SH3BGR: variants seen among roughly 807,000 people sequenced by gnomAD.
SH3BGR encodes the protein SH3 domain-binding glutamic acid-rich protein.
Under a neutral mutation model 24.5 loss-of-function variants are expected in SH3BGR, and 29 were observed. The ratio of observed to expected loss-of-function variants is 1.18; its 90% CI spans 0.88 to 1.61. The LOEUF (loss-of-function observed/expected upper bound fraction) is 1.61, where lower values mean the gene tolerates loss of function less well. Ranked by LOEUF, SH3BGR falls within the 40% of genes most tolerant of loss-of-function variation. The probability of loss-of-function intolerance (pLI) is 0.00; values close to 1 mark genes in which losing one functional copy is unlikely to be tolerated. For synonymous variants in SH3BGR, 55 were observed against 65.7 expected (o/e 0.84, Z 0.79); for missense variants, 162 against 205.8 (o/e 0.79, Z 1.30).
intron 3 of SH3BGR, among the ~76,000 whole-genome samples, chr21:39,479,449 GGTA>G (rs2078095377): frequency 1.3e-5 from 2 of 151,672 alleles, no homozygotes; most frequent in Admixed American, 1.3e-4. Flanking sequence ...TGGTGGTGAT[GGTA>G]GTGGTGGTGA....
intron 4 of SH3BGR, 106 bp from the exon 5 acceptor site, chr21:39,508,892 C>A: frequency 1.3e-6 from 1 of 777,148 alleles, no homozygotes; most frequent in Non-Finnish European, 2.1e-6. Flanking sequence ...ATGTGTTGTT[C>A]ATTTTGATTA....
chr21:39,452,767 A>G (rs909385708), intron 1 of SH3BGR, among the ~76,000 whole-genome samples: 11 of 152,164 alleles, frequency 7.2e-5, no homozygotes, highest in Admixed American at 2.0e-4. Context: ...TGCTTTGTCT[A>G]ATTTTCTTGA....
chr21:39,449,510 T>G (rs1463662914), upstream of SH3BGR, among the ~76,000 whole-genome samples: 1 of 152,244 alleles, frequency 6.6e-6, no homozygotes, highest in Non-Finnish European at 1.5e-5. Flanking sequence ...GCATTTGGAA[T>G]GTTCGCTATT....
Position 39,451,995 on chromosome 21 carries a change from C to G in SH3BGR, c.-102C>G, listed in dbSNP as rs760818841. On this transcript the variant is annotated 5_prime_UTR_variant, in exon 1 of 7. Transcript: ENST00000333634. ...AGTGGACCCCTGGGCTGCTGCCAGCCCCGACCTGGCACTTGCTTGCCTGTG... is the reference window on the plus strand; with the variant it reads ...AGTGGACCCCTGGGCTGCTGCCAGCGCCGACCTGGCACTTGCTTGCCTGTG... The G allele has an allele frequency of 1.2e-6, 2 of 1,614,054 alleles. No homozygotes were observed. The highest frequency in any genetic ancestry group is 2.2e-5 in the East Asian group (1 of 44,888).
At chr21:39,513,004 T>A (rs1199669220) in intron 6 of SH3BGR, among the ~76,000 whole-genome samples, 4 of 152,176 alleles carry the variant, frequency 2.6e-5, no homozygotes, top group African/African-American at 7.2e-5. Context: ...AAGCGTTTTT[T>A]AAAAAATTTA....
chr21:39,460,656 G>A (rs777444741), intron 1 of SH3BGR, among the ~76,000 whole-genome samples: 14 of 152,078 alleles, frequency 9.2e-5, no homozygotes, highest in Non-Finnish European at 1.5e-4. Flanking sequence ...GTTTAGTAGA[G>A]ATGGGGTTTC....
chr21:39,499,683 T>C (rs2078460092), intron 3 of SH3BGR, 140 bp from the exon 4 acceptor site: 1 of 585,592 alleles, frequency 1.7e-6, no homozygotes, highest in Admixed American at 3.1e-5. Flanking sequence ...AGTCGCTAAG[T>C]GACCTAATGA....
intron 2 of SH3BGR, among the ~76,000 whole-genome samples, chr21:39,474,053 G>C (rs1249335803): frequency 6.6e-6 from 1 of 152,016 alleles, no homozygotes; most frequent in Non-Finnish European, 1.5e-5. Flanking sequence ...CTGCAGCCTT[G>C]ATCTGCCAGG....
chr21:39,507,026 A>C (rs74650875), intron 4 of SH3BGR, among the ~76,000 whole-genome samples: 13,064 of 152,142 alleles, frequency 0.086, 820 homozygotes, highest in African/African-American at 0.17. Flanking sequence ...AGGCACGATC[A>C]ACACGTCGCT....
rs1048812965 is a variant in SH3BGR, at chr21:39,474,940, G to A, written c.232-195G>A. 4.6e-5 allele frequency among the ~76,000 whole-genome samples: 7 copies of A among 152,082 alleles called. No homozygotes were observed. In the South Asian group the frequency reaches 1.5e-3, roughly 32 times the overall value. On this transcript the variant is annotated intron_variant, in intron 2 of 6. Transcript: ENST00000333634. ...TGTGGTATACAAGCACAATGAAAGT[G>A]TATAAAAACAAATGTAAAGTTCATG...
intron 3 of SH3BGR, among the ~76,000 whole-genome samples, chr21:39,493,892 A>AT (rs1261980629): frequency 6.6e-6 from 1 of 152,072 alleles, no homozygotes; most frequent in Non-Finnish European, 1.5e-5. Context: ...AGTAGTTGAG[A>AT]TCTTGATTTG....
intron 3 of SH3BGR, among the ~76,000 whole-genome samples, chr21:39,481,257 G>A (rs1225367804): frequency 6.6e-6 from 1 of 152,074 alleles, no homozygotes; most frequent in East Asian, 1.9e-4. Context: ...TTGAGCCCAG[G>A]CATTTGTGAC....
chr21:39,482,702 C>T (rs530703716), intron 3 of SH3BGR, among the ~76,000 whole-genome samples: 12 of 152,032 alleles, frequency 7.9e-5, no homozygotes, highest in Non-Finnish European at 1.6e-4. Context: ...CAGAGTCTCG[C>T]TCTGTCACCC....
intron 3 of SH3BGR, among the ~76,000 whole-genome samples, chr21:39,493,472 A>C (rs1032780220): frequency 3.3e-5 from 5 of 152,172 alleles, no homozygotes; most frequent in Admixed American, 2.6e-4. Context: ...TCATTGGTCT[A>C]TGTGCCTATT....
At chr21:39,491,710 G>T in intron 3 of SH3BGR, 1 of 224,662 alleles carries the variant, frequency 4.5e-6, no homozygotes, top group Non-Finnish European at 9.3e-6. Flanking sequence ...AGCTTGGGAA[G>T]CACATAGGTG....
chr21:39,500,646 C>T (rs547697890), intron 4 of SH3BGR, among the ~76,000 whole-genome samples: 1 of 152,150 alleles, frequency 6.6e-6, no homozygotes, highest in East Asian at 1.9e-4. Context: ...TCTGGGCCTC[C>T]TTAGAGGAGA....
intron 4 of SH3BGR, among the ~76,000 whole-genome samples, chr21:39,503,788 C>T (rs112960656): frequency 0.082 from 12,432 of 152,182 alleles, 696 homozygotes; most frequent in African/African-American, 0.16. Flanking sequence ...TAAATTCTGT[C>T]CTTGATAAAG....
At chr21:39,480,429 A>G (rs958655975) in intron 3 of SH3BGR, among the ~76,000 whole-genome samples, 1 of 152,234 alleles carries the variant, frequency 6.6e-6, no homozygotes, top group Non-Finnish European at 1.5e-5. Context: ...ATTTAATGCC[A>G]GTGGAACCAT....
At chr21:39,510,091 C>A (rs998373143) in intron 5 of SH3BGR, among the ~76,000 whole-genome samples, 2 of 145,224 alleles carry the variant, frequency 1.4e-5, no homozygotes, top group Non-Finnish European at 3.0e-5. Context: ...TACAGGCGCC[C>A]GCCACCGCGC....
Sources: gnomAD v4.1 joint callset for allele counts (sites outside exome capture counted in the v4.1 genomes callset) on GRCh38, gnomAD v4.1.1 for gene constraint, MANE v1.5 for transcripts, NCBI Gene and HGNC (gene_info 2026-07-23, HGNC 2026-07-21) for gene names.